OPCML: variants seen among roughly 807,000 people sequenced by gnomAD.
OPCML encodes the protein opioid-binding protein/cell adhesion molecule.
In OPCML, 13 loss-of-function variants were observed where a neutral mutation model predicts 37.8. The observed-to-expected ratio is 0.34, with a 90% CI of 0.22 to 0.55. The LOEUF (loss-of-function observed/expected upper bound fraction) is 0.55, where lower values mean the gene tolerates loss of function less well. OPCML is among the 20% of genes least tolerant of loss of function. OPCML has a pLI of 0.91. For synonymous variants in OPCML, 176 were observed against 168.8 expected (o/e 1.04, Z -0.33); for missense variants, 341 against 435.6 (o/e 0.78, Z 1.93).
At chr11:133,111,276 C>T (rs929260263) in intron 1 of OPCML, among the ~76,000 whole-genome samples, 4 of 152,174 alleles carry the variant, frequency 2.6e-5, no homozygotes, top group Non-Finnish European at 5.9e-5. Flanking sequence ...CCCACTGGCA[C>T]GGTAGCTAGT....
chr11:132,775,327 G>A lies in OPCML; in HGVS notation c.147-118008C>T, dbSNP rs141507677. 4.7e-3 allele frequency among the ~76,000 whole-genome samples: 723 copies of A among 152,306 alleles called. 7 individuals carry two copies. Among genetic ancestry groups the A allele is most frequent in the Non-Finnish European group, 6.0e-3 (410 of 68,026 alleles). On this transcript the variant is annotated intron_variant, in intron 2 of 7. Coordinates refer to ENST00000524381, the MANE Select transcript of OPCML (RefSeq NM_001012393.5). Reference sequence around the variant, plus strand: ...TATTGAGTTTGATTATTTGCATTGCGTGATTATAAGGTATATCACTCCCAG... The same window carrying A: ...TATTGAGTTTGATTATTTGCATTGCATGATTATAAGGTATATCACTCCCAG...
chr11:133,049,904 T>C (rs1203352501), intron 1 of OPCML, among the ~76,000 whole-genome samples: 2 of 152,224 alleles, frequency 1.3e-5, no homozygotes, highest in Non-Finnish European at 2.9e-5. Flanking sequence ...CTCTCTAGCA[T>C]GCATGCCTCT....
chr11:132,752,723 T>C (rs1945879169), intron 2 of OPCML, among the ~76,000 whole-genome samples: 1 of 152,144 alleles, frequency 6.6e-6, no homozygotes, highest in Non-Finnish European at 1.5e-5. Context: ...CTTTCTCCTT[T>C]TACTGGCATA....
intron 1 of OPCML, among the ~76,000 whole-genome samples, chr11:133,314,232 C>CAAAAAAAA (rs59843718): frequency 2.0e-5 from 1 of 49,750 alleles, no homozygotes; most frequent in Non-Finnish European, 3.7e-5. Context: ...GACTCCGTCT[C>CAAAAAAAA]AAAAAAAAAA....
intron 1 of OPCML, among the ~76,000 whole-genome samples, chr11:133,230,108 C>G (rs1940212833): frequency 6.6e-6 from 1 of 152,218 alleles, no homozygotes; most frequent in Admixed American, 6.5e-5. Flanking sequence ...CCATGCATTT[C>G]TACTCACCGT....
chr11:132,947,059 CT>C (rs1945759971), intron 1 of OPCML, among the ~76,000 whole-genome samples: 1 of 152,198 alleles, frequency 6.6e-6, no homozygotes, highest in Admixed American at 6.5e-5. Flanking sequence ...GCTCGCAGCT[CT>C]GCCACTTGGT....
At chr11:133,124,675 C>T (rs879005246) in intron 1 of OPCML, among the ~76,000 whole-genome samples, 1 of 152,134 alleles carries the variant, frequency 6.6e-6, no homozygotes, top group African/African-American at 2.4e-5. Context: ...GTTCCTCAGC[C>T]TTCATCACGT....
At chr11:133,494,798 C>A (rs1361718605) in intron 1 of OPCML, among the ~76,000 whole-genome samples, 1 of 147,992 alleles carries the variant, frequency 6.8e-6, no homozygotes, top group Admixed American at 6.7e-5. Flanking sequence ...GTGCAGCACA[C>A]CAACATGGCA....
intron 1 of OPCML, among the ~76,000 whole-genome samples, chr11:133,375,195 G>T (rs963645333): frequency 2.6e-5 from 4 of 152,194 alleles, no homozygotes; most frequent in Non-Finnish European, 4.4e-5. Context: ...CGTGCTAGAT[G>T]TACTACCGTC....
At chr11:132,745,528 C>G (rs558721365) in intron 2 of OPCML, among the ~76,000 whole-genome samples, 1 of 130,090 alleles carries the variant, frequency 7.7e-6, no homozygotes, top group African/African-American at 3.0e-5. Context: ...CCCTGGCAAC[C>G]ATTTAAAAGT....
chr11:133,357,983 C>T (rs936751724), intron 1 of OPCML, among the ~76,000 whole-genome samples: 1 of 152,150 alleles, frequency 6.6e-6, no homozygotes, highest in African/African-American at 2.4e-5. Context: ...AGGCCTACCC[C>T]ACTGCACACC....
chr11:132,488,041 G>T (rs2096205338), intron 4 of OPCML, among the ~76,000 whole-genome samples: 1 of 152,168 alleles, frequency 6.6e-6, no homozygotes, highest in Non-Finnish European at 1.5e-5. Context: ...CACAGCTCCT[G>T]CCATGTGCCT....
intron 1 of OPCML, among the ~76,000 whole-genome samples, chr11:133,176,645 C>T (rs1027230263): frequency 6.6e-6 from 1 of 152,118 alleles, no homozygotes; most frequent in Non-Finnish European, 1.5e-5. Context: ...CTTGCTCCCA[C>T]TTCACCTTCT....
intron 3 of OPCML, among the ~76,000 whole-genome samples, chr11:132,641,849 G>A (rs61299221): frequency 0.044 from 6,702 of 152,268 alleles, 360 homozygotes; most frequent in African/African-American, 0.13. Flanking sequence ...CTCCAATTCT[G>A]TGATTAGTTG....
chr11:133,326,815 G>T (rs2136637195), intron 1 of OPCML, among the ~76,000 whole-genome samples: 1 of 141,528 alleles, frequency 7.1e-6, no homozygotes, highest in Non-Finnish European at 1.5e-5. Context: ...GTGTACATTT[G>T]TGGGTGGGGG....
intron 4 of OPCML, among the ~76,000 whole-genome samples, chr11:132,510,853 A>T (rs1380761675): frequency 6.6e-6 from 1 of 152,166 alleles, no homozygotes; most frequent in African/African-American, 2.4e-5. Flanking sequence ...TCTGTAAAAA[A>T]CCTACAGATA....
At chr11:133,395,797 C>G (rs992838220) in intron 1 of OPCML, among the ~76,000 whole-genome samples, 2 of 152,054 alleles carry the variant, frequency 1.3e-5, no homozygotes, top group Admixed American at 1.3e-4. Context: ...CTCTGTAGTA[C>G]AATTTGAAGT....
intron 1 of OPCML, among the ~76,000 whole-genome samples, chr11:133,039,456 C>T (rs1478066309): frequency 6.6e-6 from 1 of 152,192 alleles, no homozygotes; most frequent in African/African-American, 2.4e-5. Context: ...GAACTCTGAA[C>T]AGTGAAGGGT....
At chr11:133,431,834 T>G (rs1946125116) in intron 1 of OPCML, among the ~76,000 whole-genome samples, 1 of 148,924 alleles carries the variant, frequency 6.7e-6, no homozygotes, top group South Asian at 2.1e-4. Context: ...TATACATATA[T>G]TTGAGAGTCA....
Sources: gnomAD v4.1 joint callset for allele counts (sites outside exome capture counted in the v4.1 genomes callset) on GRCh38, gnomAD v4.1.1 for gene constraint, MANE v1.5 for transcripts, NCBI Gene and HGNC (gene_info 2026-07-23, HGNC 2026-07-21) for gene names.